The following KDM4C variants were observed in gnomAD, a reference collection of about 807,000 sequenced individuals.
KDM4C encodes the protein lysine-specific demethylase 4C.
In KDM4C, 81 loss-of-function variants were observed where a neutral mutation model predicts 129.3. That is an observed-to-expected ratio of 0.63 (90% CI 0.52 to 0.75). KDM4C has a LOEUF of 0.75. Ranked by LOEUF, KDM4C falls within the 30% of genes least tolerant of loss-of-function variation. KDM4C has a pLI of 0.00. For synonymous variants in KDM4C, 573 were observed against 456.1 expected, an observed-to-expected ratio of 1.26 and a Z score of -3.26; for missense variants, 1,457 against 1,304.0, an observed-to-expected ratio of 1.12 and a Z score of -1.81.
intron 1 of KDM4C, among the ~76,000 whole-genome samples, chr9:6,742,895 G>C (rs1466036303): frequency 6.6e-6 from 1 of 151,958 alleles, no homozygotes; most frequent in Admixed American, 6.6e-5. Context: ...AGACCCATGG[G>C]GTCTCACCAG....
Position 6,893,142 on chromosome 9 carries a change from C to T in KDM4C, c.831C>T (p.Tyr277=). 1 of 1,601,904 alleles carries T rather than the reference C, an allele frequency of 6.2e-7. No homozygotes were observed. Among genetic ancestry groups the T allele is most frequent in the Non-Finnish European group, 8.5e-7 (1 of 1,173,944 alleles). Residue 277 remains tyrosine (Y), a synonymous_variant, in exon 8 of 22, where the codon TAC becomes TAT. Coordinates refer to ENST00000381309, the MANE Select transcript of KDM4C (RefSeq NM_015061.6). The part of the protein sequence containing the change: ...GEFMITFPYG[Y]HAGFNHGFNC... The stretch of plus-strand genomic sequence containing the variant: ...TCATGATCACTTTCCCATATGGCTA[C>T]CATGCTGGTTTTAATCATGGTTTCA...
chr9:7,173,148 C>A (rs1019447222), intron 21 of KDM4C, among the ~76,000 whole-genome samples: 1 of 152,264 alleles, frequency 6.6e-6, no homozygotes, highest in African/African-American at 2.4e-5. Context: ...GAGAAACTTA[C>A]TTGCCCCTTA....
In KDM4C at chr9:7,074,415, C is replaced by A. The variant is rs113323619; in HGVS notation, c.2424+25215C>A. Among the ~76,000 whole-genome samples the A allele has an allele frequency of 8.9e-3, 1,349 of 152,234 alleles. 18 individuals are homozygous for A. Among genetic ancestry groups the A allele is most frequent in the African/African-American group, 0.03 (1,265 of 41,544 alleles). ...CTCCTGACCTCAAATGATCCACCCA[C>A]CTTGGTCTGCCAAAGTCCTGGGATT... On this transcript the variant is annotated intron_variant, in intron 17 of 21. Transcript: ENST00000381309.
intron 1 of KDM4C, among the ~76,000 whole-genome samples, chr9:6,742,019 C>A (rs1473413083): frequency 6.7e-6 from 1 of 148,872 alleles, no homozygotes; most frequent in African/African-American, 2.6e-5. Flanking sequence ...GTCACCCAGG[C>A]TGAAGTGCAG....
At chr9:6,832,586 C>T (rs1444147305) in intron 4 of KDM4C, among the ~76,000 whole-genome samples, 4 of 147,766 alleles carry the variant, frequency 2.7e-5, no homozygotes, top group African/African-American at 5.0e-5. Flanking sequence ...CCACCATGCC[C>T]AGCTAATTTT....
chr9:6,755,329 C>T (rs547867140), upstream of KDM4C, among the ~76,000 whole-genome samples: 92 of 152,348 alleles, frequency 6.0e-4, no homozygotes, highest in African/African-American at 2.2e-3. Context: ...TGAGATCGCG[C>T]CACTGCACTC....
chr9:7,104,780 G>C (rs1280106525), intron 18 of KDM4C, among the ~76,000 whole-genome samples: 1 of 152,230 alleles, frequency 6.6e-6, no homozygotes, highest in African/African-American at 2.4e-5. Flanking sequence ...AGCCTAACAT[G>C]CTTCTCCTAT....
At chr9:6,826,592 G>A (rs1469436794) in intron 4 of KDM4C, among the ~76,000 whole-genome samples, 3 of 152,092 alleles carry the variant, frequency 2.0e-5, no homozygotes, top group African/African-American at 4.8e-5. Context: ...TTGGCCGGGC[G>A]CGGTGGCTTA....
intron 19 of KDM4C, among the ~76,000 whole-genome samples, chr9:7,155,882 G>A (rs1031833824): frequency 6.6e-6 from 1 of 152,192 alleles, no homozygotes; most frequent in Non-Finnish European, 1.5e-5. Flanking sequence ...CCAGTAATGG[G>A]GTTGCTGAGT....
At chr9:7,063,262 C>A (rs1415322390) in intron 17 of KDM4C, among the ~76,000 whole-genome samples, 8 of 152,184 alleles carry the variant, frequency 5.3e-5, no homozygotes, top group African/African-American at 1.9e-4. Flanking sequence ...ATTAAATTAA[C>A]TGAAAATATT....
At chr9:7,059,410 G>C (rs1480512185) in intron 17 of KDM4C, among the ~76,000 whole-genome samples, 1 of 152,160 alleles carries the variant, frequency 6.6e-6, no homozygotes, top group Non-Finnish European at 1.5e-5. Flanking sequence ...GCCCTCGAGA[G>C]TATTTTCGAA....
chr9:6,884,631 T>G (rs529033491), intron 6 of KDM4C, among the ~76,000 whole-genome samples: 1 of 152,346 alleles, frequency 6.6e-6, no homozygotes, highest in East Asian at 1.9e-4. Context: ...CATGTTTGAT[T>G]TTCTTTCCTT....
chr9:6,808,246 TAGAAAGGCG>T (rs1830496129), intron 3 of KDM4C, among the ~76,000 whole-genome samples: 1 of 71,706 alleles, frequency 1.4e-5, no homozygotes, highest in African/African-American at 8.7e-5. Context: ...CTTTGTGGAA[TAGAAAGGCG>T]GGAAAGGTGG....
At chr9:7,047,182 A>C (rs1323737688) in intron 16 of KDM4C, among the ~76,000 whole-genome samples, 1 of 151,996 alleles carries the variant, frequency 6.6e-6, no homozygotes, top group Admixed American at 6.6e-5. Flanking sequence ...GAGTTTTGAA[A>C]ATGGAGTTAG....
At chr9:6,749,210 G>C (rs1817989120) in intron 1 of KDM4C, among the ~76,000 whole-genome samples, 1 of 152,082 alleles carries the variant, frequency 6.6e-6, no homozygotes, top group Admixed American at 6.5e-5. Context: ...GTAGAAATGG[G>C]GTTTCGCCAT....
chr9:7,060,596 C>G (rs557879330), intron 17 of KDM4C, among the ~76,000 whole-genome samples: 2 of 152,000 alleles, frequency 1.3e-5, no homozygotes, highest in African/African-American at 4.8e-5. Flanking sequence ...ATTCTCCTGC[C>G]TCAGCCTCCT....
chr9:6,920,794 G>A (rs932137231), intron 8 of KDM4C, among the ~76,000 whole-genome samples: 12 of 152,086 alleles, frequency 7.9e-5, no homozygotes, highest in African/African-American at 2.9e-4. Flanking sequence ...GGTGGGTCTG[G>A]ATCTTAGGCA....
At chr9:7,170,525 C>T (rs2130500546) in intron 21 of KDM4C, 17 of 967,508 alleles carry the variant, frequency 1.8e-5, no homozygotes, top group Non-Finnish European at 2.1e-5. Context: ...TTCAAAACTG[C>T]AGTCATTGAA....
intron 2 of KDM4C, among the ~76,000 whole-genome samples, chr9:6,793,773 C>G (rs1178944233): frequency 6.6e-6 from 1 of 152,046 alleles, no homozygotes; most frequent in Non-Finnish European, 1.5e-5. Flanking sequence ...GAACTCCTGA[C>G]CTCAGGTGAT....
Sources: gnomAD v4.1 joint callset for allele counts (sites outside exome capture counted in the v4.1 genomes callset) on GRCh38, gnomAD v4.1.1 for gene constraint, MANE v1.5 for transcripts, NCBI Gene and HGNC (gene_info 2026-07-23, HGNC 2026-07-21) for gene names.